Variants in TFDP2 observed in about 807,000 individuals in gnomAD.
The protein encoded by TFDP2 is transcription factor Dp-2.
Under a neutral mutation model 59.3 loss-of-function variants are expected in TFDP2, and 17 were observed. That is an observed-to-expected ratio of 0.29 (90% CI 0.20 to 0.43). TFDP2 has a LOEUF of 0.43. Among genes scored for constraint, TFDP2 ranks in the 20% least tolerant of loss-of-function variants. The pLI, the probability that TFDP2 is intolerant of heterozygous loss-of-function variation, is 1.00. For missense variants in TFDP2, 391 were observed against 528.8 expected, an observed-to-expected ratio of 0.74 and a Z score of 2.56; for synonymous variants, 180 against 194.7, an observed-to-expected ratio of 0.92 and a Z score of 0.63.
At chr3:142,000,179 T>A (rs865855642) in intron 4 of TFDP2, 1 of 663,254 alleles carries the variant, frequency 1.5e-6, no homozygotes, top group Middle Eastern at 2.4e-4. Flanking sequence ...GGTAATTAAT[T>A]AATTTTCTTT....
At chr3:142,016,300 AC>A (rs1310261617) in intron 3 of TFDP2, among the ~76,000 whole-genome samples, 9 of 84,608 alleles carry the variant, frequency 1.1e-4, no homozygotes, top group African/African-American at 4.8e-4. Context: ...ACGCCCAGCA[AC>A]ATTTTTTTTT....
chr3:142,127,587 C>T (rs929985420), intron 1 of TFDP2, among the ~76,000 whole-genome samples: 3 of 151,984 alleles, frequency 2.0e-5, no homozygotes, highest in Non-Finnish European at 4.4e-5. Context: ...CTGCCCACCT[C>T]GGCCTCCCAA....
rs140582209 is a variant in TFDP2, at chr3:142,001,990, GTTT to G, written c.186+3448_186+3450del. ...GAGTGGCTAGGTGCCACCATGCCTG[GTTT>G]TTTTTTTTTTTTTTTGTCTGAGACA... is the stretch of plus-strand genomic sequence containing the variant. On this transcript the variant is annotated intron_variant, in intron 4 of 12. Coordinates refer to ENST00000489671, the MANE Select transcript of TFDP2 (RefSeq NM_001178139.2). Among the ~76,000 whole-genome samples, 1,090 of 116,778 alleles carry G rather than the reference GTTT, an allele frequency of 9.3e-3. 11 individuals are homozygous for G. The highest frequency in any genetic ancestry group is 0.03 in the African/African-American group (1,009 of 33,730). 76.6% of individuals were successfully genotyped at this position (116,778 alleles called of 152,430 possible).
At chr3:142,023,330 G>A (rs1198504237) in intron 3 of TFDP2, among the ~76,000 whole-genome samples, 3 of 150,576 alleles carry the variant, frequency 2.0e-5, no homozygotes, top group Admixed American at 1.3e-4. Flanking sequence ...GATTATGGGC[G>A]TGTGCCACCA....
At chr3:141,964,107 T>A (rs926626956) in intron 9 of TFDP2, 144 bp from the exon 10 acceptor site, 2 of 704,124 alleles carry the variant, frequency 2.8e-6, no homozygotes, top group African/African-American at 3.6e-5. Context: ...ATTTAAAAAA[T>A]TAAACATTTA....
chr3:142,135,389 T>C (rs946670902), intron 1 of TFDP2, among the ~76,000 whole-genome samples: 1 of 152,098 alleles, frequency 6.6e-6, no homozygotes, highest in African/African-American at 2.4e-5. Flanking sequence ...AGCCTACATA[T>C]GTTTAATTTC....
chr3:142,058,676 C>T (rs1396219210), intron 3 of TFDP2, among the ~76,000 whole-genome samples: 1 of 152,100 alleles, frequency 6.6e-6, no homozygotes, highest in Non-Finnish European at 1.5e-5. Flanking sequence ...CGAAGAGAAA[C>T]GTAAGACAGG....
intron 1 of TFDP2, among the ~76,000 whole-genome samples, chr3:142,141,891 T>C (rs1427605526): frequency 6.6e-6 from 1 of 151,596 alleles, no homozygotes; most frequent in Admixed American, 6.6e-5. Context: ...AAATAAAATA[T>C]TTATGTTGCA....
At chr3:142,067,896 T>C (rs1051888564) in intron 3 of TFDP2, among the ~76,000 whole-genome samples, 7 of 151,230 alleles carry the variant, frequency 4.6e-5, no homozygotes, top group African/African-American at 1.7e-4. Flanking sequence ...TCCAGGTACT[T>C]GGGAAGCTGA....
chr3:142,058,160 T>A (rs1001335421), intron 3 of TFDP2, among the ~76,000 whole-genome samples: 3 of 152,194 alleles, frequency 2.0e-5, no homozygotes, highest in African/African-American at 7.2e-5. Context: ...TTCTATTTTT[T>A]AAATGTCCAA....
intron 6 of TFDP2, among the ~76,000 whole-genome samples, chr3:141,986,615 T>C (rs1245950248): frequency 6.6e-6 from 1 of 152,230 alleles, no homozygotes; most frequent in Non-Finnish European, 1.5e-5. Flanking sequence ...CTATAAACTT[T>C]CTTGTACATG....
At chr3:142,106,600 T>C (rs916995261) in intron 1 of TFDP2, among the ~76,000 whole-genome samples, 7 of 152,230 alleles carry the variant, frequency 4.6e-5, no homozygotes, top group African/African-American at 1.7e-4. Context: ...GATAAACCAG[T>C]CATGTGCACT....
At chr3:142,006,462 CCTTA>C (rs1231233515) in intron 3 of TFDP2, among the ~76,000 whole-genome samples, 2 of 145,690 alleles carry the variant, frequency 1.4e-5, no homozygotes, top group African/African-American at 5.4e-5. Flanking sequence ...TCTTTAATTC[CCTTA>C]CTATTTTTTT....
intron 3 of TFDP2, among the ~76,000 whole-genome samples, chr3:142,078,128 T>C (rs1174202254): frequency 6.6e-6 from 1 of 152,132 alleles, no homozygotes; most frequent in African/African-American, 2.4e-5. Context: ...AAGGACTTTG[T>C]CTTGTGGTCT....
At chr3:142,123,268 G>C (rs961330516) in intron 1 of TFDP2, among the ~76,000 whole-genome samples, 1 of 152,192 alleles carries the variant, frequency 6.6e-6, no homozygotes, top group Admixed American at 6.5e-5. Flanking sequence ...CCGAGTAGCT[G>C]GGACTACAGG....
At chr3:142,008,861 C>T (rs974745076) in intron 3 of TFDP2, among the ~76,000 whole-genome samples, 7 of 152,004 alleles carry the variant, frequency 4.6e-5, no homozygotes, top group Non-Finnish European at 2.9e-5. Context: ...TTTTCCTCAT[C>T]GATGCTTAGG....
chr3:141,957,753 C>A (rs1024712234), intron 11 of TFDP2, among the ~76,000 whole-genome samples: 2 of 152,204 alleles, frequency 1.3e-5, no homozygotes, highest in African/African-American at 4.8e-5. Flanking sequence ...CATAAAGCGT[C>A]TTTCTAGAAT....
chr3:142,085,060 A>G (rs2060767271), intron 3 of TFDP2, among the ~76,000 whole-genome samples: 1 of 152,128 alleles, frequency 6.6e-6, no homozygotes. Flanking sequence ...AGCTGGGATT[A>G]CAAGCGAGTG....
intron 4 of TFDP2, among the ~76,000 whole-genome samples, chr3:141,997,045 C>T (rs893346556): frequency 5.9e-5 from 9 of 152,148 alleles, no homozygotes; most frequent in African/African-American, 2.2e-4. Context: ...AGTATGCTTG[C>T]ACTTCCCACT....
Sources: gnomAD v4.1 joint callset for allele counts (sites outside exome capture counted in the v4.1 genomes callset) on GRCh38, gnomAD v4.1.1 for gene constraint, MANE v1.5 for transcripts, NCBI Gene and HGNC (gene_info 2026-07-23, HGNC 2026-07-21) for gene names.